Variants in TMEM154 observed in about 807,000 individuals in gnomAD.
TMEM154 encodes the protein transmembrane protein 154.
In TMEM154, 27 loss-of-function variants were observed where a neutral mutation model predicts 24.5. The observed-to-expected ratio is 1.10, with a 90% confidence interval of 0.81 to 1.52. The LOEUF is 1.52. Ranked by LOEUF, TMEM154 falls within the 40% of genes most tolerant of loss-of-function variation. The pLI is 0.00. For missense variants in TMEM154, 228 were observed against 213.4 expected, an observed-to-expected ratio of 1.07 and a Z score of -0.43; for synonymous variants, 67 against 76.8, an observed-to-expected ratio of 0.87 and a Z score of 0.67.
At chr4:152,646,130 T>C (rs190408995) in intron 3 of TMEM154, among the ~76,000 whole-genome samples, 18 of 151,684 alleles carry the variant, frequency 1.2e-4, no homozygotes, top group Admixed American at 8.5e-4. Flanking sequence ...TCCCTCTCCC[T>C]TTTCCCCTGC....
intron 6 of TMEM154, among the ~76,000 whole-genome samples, chr4:152,634,471 C>T (rs1008164544): frequency 1.3e-5 from 2 of 152,118 alleles, no homozygotes; most frequent in African/African-American, 2.4e-5. Flanking sequence ...ATAGAATGTC[C>T]TTTCTCCTTC....
rs1278837346 is a variant in TMEM154, at chr4:152,622,105, AC to A, written c.*6440del. The A allele has an allele frequency of 6.6e-6, 1 of 152,246 alleles. No homozygotes were observed. The highest frequency in any genetic ancestry group is 1.5e-5 in the Non-Finnish European group (1 of 68,054). 9.4% of individuals were successfully genotyped at this position (152,246 alleles called of 1,614,324 possible). ...AGTGCTGGGATTACAGGCATGAGCCACCATGCCTGGCCTACTAGAAATATTT... is the reference window on the plus strand; with the variant it reads ...AGTGCTGGGATTACAGGCATGAGCCACATGCCTGGCCTACTAGAAATATTT... On this transcript the variant is annotated 3_prime_UTR_variant, in exon 7 of 7. Coordinates refer to ENST00000304385, the MANE Select transcript of TMEM154 (RefSeq NM_152680.3).
rs544597174 is a variant in TMEM154 at position 152,664,379 on chromosome 4, G to A, written c.65-11452C>T. ...ACACACACTGGGGCCTGTCGTGGCG[G>A]GGGGGTACAAGGGGAGGGAGAGCAT... is the stretch of plus-strand genomic sequence containing the variant. On this transcript the variant is annotated intron_variant, in intron 1 of 6. Coordinates refer to ENST00000304385, the MANE Select transcript of TMEM154 (RefSeq NM_152680.3). Among the ~76,000 whole-genome samples, 1,426 of 150,764 alleles carry A rather than the reference G, an allele frequency of 9.5e-3. 22 individuals are homozygous for A. Among genetic ancestry groups the A allele is most frequent in the African/African-American group, 0.032 (1,294 of 41,024 alleles).
chr4:152,675,043 C>G (rs1728923044), intron 1 of TMEM154, among the ~76,000 whole-genome samples: 2 of 150,954 alleles, frequency 1.3e-5, no homozygotes, highest in Admixed American at 6.6e-5. Context: ...ATAATCCCAG[C>G]TACTGGGGAG....
At chr4:152,679,137 A>G (rs1253271289) in intron 1 of TMEM154, among the ~76,000 whole-genome samples, 1 of 152,212 alleles carries the variant, frequency 6.6e-6, no homozygotes, top group Non-Finnish European at 1.5e-5. Context: ...GGTGTAAATC[A>G]GTTGTTGCTT....
chr4:152,662,724 A>G (rs1045159214), intron 1 of TMEM154, among the ~76,000 whole-genome samples: 4 of 152,224 alleles, frequency 2.6e-5, no homozygotes, highest in African/African-American at 9.6e-5. Flanking sequence ...ACTAAGGCCC[A>G]TAATCGTCCA....
At position 152,621,215 on chromosome 4, in the gene TMEM154, T is replaced by C. The variant is rs1338407190; in HGVS notation, c.*7331A>G. ...GGCTCACCCTTGTGCTGGTTCCCTC[T>C]CTTTCCTTCTTGTGAATATCATGCT... is the stretch of plus-strand genomic sequence containing the variant. On this transcript the variant is annotated 3_prime_UTR_variant, in exon 7 of 7. Coordinates refer to ENST00000304385, the MANE Select transcript of TMEM154 (RefSeq NM_152680.3). 1 of 152,268 alleles carries C rather than the reference T, an allele frequency of 6.6e-6. No homozygotes were observed. Among genetic ancestry groups the C allele is most frequent in the Non-Finnish European group, 1.5e-5 (1 of 68,058 alleles). The allele number at this position is 152,268 out of a possible 1,614,324, so 9.4% of individuals were successfully genotyped here. A position where few individuals can be genotyped will look rare whatever the true frequency, so the allele number is the denominator to read the frequency against.
At chr4:152,674,397 G>A (rs1053258516) in intron 1 of TMEM154, among the ~76,000 whole-genome samples, 1 of 152,152 alleles carries the variant, frequency 6.6e-6, no homozygotes, top group Non-Finnish European at 1.5e-5. Flanking sequence ...CCATCATCCT[G>A]ACACCTGTGG....
At chr4:152,630,347 C>G (rs937070958) in intron 6 of TMEM154, among the ~76,000 whole-genome samples, 2 of 138,436 alleles carry the variant, frequency 1.4e-5, no homozygotes, top group African/African-American at 5.3e-5. Context: ...CATATCAAAA[C>G]GTATTTCAAA....
chr4:152,627,597 CG>C lies in TMEM154; in HGVS notation c.*948del, dbSNP rs1472339837. On this transcript the variant is annotated 3_prime_UTR_variant, in exon 7 of 7. Transcript: ENST00000304385. ...GGACATGAGGCTTATCCCAGCTTGG[CG>C]GGAGAGAATGCTAAGCATGATGAGT... The C allele has an allele frequency of 1.3e-5, 2 of 152,142 alleles. No individual in the cohort carries two copies. Among genetic ancestry groups the C allele is most frequent in the Non-Finnish European group, 2.9e-5 (2 of 68,036 alleles). 9.4% of individuals were successfully genotyped at this position (152,142 alleles called of 1,614,324 possible).
chr4:152,679,719 C>A (rs534297433), intron 1 of TMEM154, 151 bp downstream of exon 1: 12 of 1,156,958 alleles, frequency 1.0e-5, no homozygotes, highest in Middle Eastern at 4.1e-4. Flanking sequence ...TCCCACCCCC[C>A]AAAAAAAGGA....
intron 5 of TMEM154, 127 bp downstream of exon 5, chr4:152,642,961 T>C: frequency 2.8e-6 from 2 of 715,732 alleles, no homozygotes; most frequent in South Asian, 3.2e-5. Context: ...TATCTGCATG[T>C]ACCAGATCTA....
intron 1 of TMEM154, among the ~76,000 whole-genome samples, chr4:152,673,449 C>T (rs985694811): frequency 6.6e-5 from 10 of 152,060 alleles, no homozygotes; most frequent in Admixed American, 1.3e-4. Context: ...TACAGGCATG[C>T]GCCACCATGC....
chr4:152,644,299 G>A (rs1752312113), intron 4 of TMEM154, 116 bp downstream of exon 4: 4 of 1,158,810 alleles, frequency 3.5e-6, no homozygotes, highest in Admixed American at 3.7e-5. Flanking sequence ...AACCCCGCCT[G>A]GGAAGCAGGA....
rs942650469 is a variant in TMEM154 at position 152,627,040 on chromosome 4, C to T, written c.*1506G>A. On this transcript the variant is annotated 3_prime_UTR_variant, in exon 7 of 7. Coordinates refer to ENST00000304385, the MANE Select transcript of TMEM154 (RefSeq NM_152680.3). ...GTCTTTTGTCAAAGTTCTATGCAGT[C>T]CCAGGATAGCGTGATAGCAGTGGTT... The T allele has an allele frequency of 6.6e-6, 1 of 152,170 alleles. No homozygotes were observed. The highest frequency in any genetic ancestry group is 1.5e-5 in the Non-Finnish European group (1 of 68,038). The allele number at this position is 152,170 out of a possible 1,614,324, so 9.4% of individuals were successfully genotyped here.
At chr4:152,677,871 C>G (rs534576508) in intron 1 of TMEM154, among the ~76,000 whole-genome samples, 2 of 152,208 alleles carry the variant, frequency 1.3e-5, no homozygotes, top group African/African-American at 4.8e-5. Flanking sequence ...TTTGGAAAGT[C>G]AAAGGTGAAC....
intron 1 of TMEM154, among the ~76,000 whole-genome samples, chr4:152,659,224 A>G (rs1728549127): frequency 6.6e-6 from 1 of 152,240 alleles, no homozygotes; most frequent in African/African-American, 2.4e-5. Flanking sequence ...ACATAGATAA[A>G]GCTGGAGGTC....
At chr4:152,631,873 C>T (rs940305928) in intron 6 of TMEM154, among the ~76,000 whole-genome samples, 4 of 134,208 alleles carry the variant, frequency 3.0e-5, no homozygotes, top group Admixed American at 1.7e-4. Context: ...GGTGCTATCT[C>T]GGCTTGCTGC....
In TMEM154 at chr4:152,623,342, A is replaced by G. The variant is rs1751870634; in HGVS notation, c.*5204T>C. On this transcript the variant is annotated 3_prime_UTR_variant, in exon 7 of 7. Coordinates refer to ENST00000304385, the MANE Select transcript of TMEM154 (RefSeq NM_152680.3). ...CAAGATACACATGTGTTAAATTATT[A>G]CTAATCTACCAGATTATTGTTTAAC... is the stretch of plus-strand genomic sequence containing the variant. 6.6e-6 allele frequency: 1 copy of G among 152,040 alleles called. No homozygotes were observed. Among genetic ancestry groups the G allele is most frequent in the African/African-American group, 2.4e-5 (1 of 41,380 alleles). 9.4% of individuals were successfully genotyped at this position (152,040 alleles called of 1,614,324 possible). A position where few individuals can be genotyped will look rare whatever the true frequency, so the allele number is the denominator to read the frequency against.
Sources: gnomAD v4.1 joint callset for allele counts (sites outside exome capture counted in the v4.1 genomes callset) on GRCh38, gnomAD v4.1.1 for gene constraint, MANE v1.5 for transcripts, NCBI Gene and HGNC (gene_info 2026-07-23, HGNC 2026-07-21) for gene names.